MED13: variants seen among roughly 807,000 people sequenced by gnomAD.
The protein encoded by MED13 is mediator of RNA polymerase II transcription subunit 13.
Under a neutral mutation model 225.2 loss-of-function variants are expected in MED13, and 23 were observed. The observed-to-expected ratio is 0.10, with a 90% CI of 0.07 to 0.14. The LOEUF (loss-of-function observed/expected upper bound fraction) is 0.14. Ranked by LOEUF, MED13 falls within the 10% of genes least tolerant of loss-of-function variation. The pLI, the probability that MED13 is intolerant of heterozygous loss-of-function variation, is 1.00. For synonymous variants in MED13, 942 were observed against 889.2 expected, an observed-to-expected ratio of 1.06 and a Z score of -1.06; for missense variants, 2,197 against 2,594.5, an observed-to-expected ratio of 0.85 and a Z score of 3.33.
intron 20 of MED13, among the ~76,000 whole-genome samples, chr17:61,964,751 C>T (rs180749248): frequency 6.6e-6 from 1 of 152,166 alleles, no homozygotes; most frequent in East Asian, 1.9e-4. Flanking sequence ...GCCTGGTCAA[C>T]ATGGCAAAAC....
chr17:61,962,640 T>C (rs2080011829), intron 21 of MED13, 112 bp downstream of exon 21: 4 of 794,602 alleles, frequency 5.0e-6, no homozygotes, highest in South Asian at 1.8e-5. Context: ...ATCAATATAA[T>C]AGAACTTGGC....
rs372832965 is a variant in MED13 at position 61,979,779 on chromosome 17, T to C, written c.3805+2419A>G. On this transcript the variant is annotated intron_variant, in intron 16 of 29. Coordinates refer to ENST00000397786, the MANE Select transcript of MED13 (RefSeq NM_005121.3). ...CTTTTGTGAACCCACTCCAATCAGA[T>C]TGACTGAAACTGCCTATCAAGGTGA... Among the ~76,000 whole-genome samples, 9 of 152,284 alleles carry C rather than the reference T, an allele frequency of 5.9e-5. No homozygotes were observed. The South Asian group carries it at 8.3e-4, about 14-fold the overall frequency.
At chr17:62,034,538 G>A (rs1258064645) in intron 4 of MED13, among the ~76,000 whole-genome samples, 1 of 147,332 alleles carries the variant, frequency 6.8e-6, no homozygotes, top group South Asian at 2.2e-4. Flanking sequence ...ATTTTTAACA[G>A]AAGCTGGGAA....
intron 3 of MED13, among the ~76,000 whole-genome samples, chr17:62,048,725 T>C (rs1186260490): frequency 6.6e-6 from 1 of 152,070 alleles, no homozygotes; most frequent in Non-Finnish European, 1.5e-5. Flanking sequence ...GAAAACTACT[T>C]AAGCAGGTGA....
At chr17:62,043,812 G>A (rs2080875978) in intron 3 of MED13, among the ~76,000 whole-genome samples, 1 of 151,900 alleles carries the variant, frequency 6.6e-6, no homozygotes, top group Admixed American at 6.6e-5. Context: ...ATATTATTTT[G>A]GACTTACTGA....
chr17:62,008,036 A>AAAAAAAAAAAAAAAAAAAT (rs2080469402), intron 9 of MED13, among the ~76,000 whole-genome samples: 1 of 142,330 alleles, frequency 7.0e-6, no homozygotes. Context: ...AAAAAAAAAA[A>AAAAAAAAAAAAAAAAAAAT]GCTGTGCGCA....
In MED13 at chr17:61,982,236, A is replaced by T; in HGVS notation, c.3767T>A (p.Val1256Glu). Residue 1256 changes from valine (V) to glutamate (E), a missense_variant, in exon 16 of 30, where the codon GTG (valine) becomes GAG (glutamate). Around this residue, in one of 12 missense-constraint regions of MED13, gnomAD observed 203 missense variants for 209.7 expected, o/e 0.97. Coordinates refer to ENST00000397786, the MANE Select transcript of MED13 (RefSeq NM_005121.3). ...MSGGKVDEAL[V>E]KSSCLHPWSK... The stretch of plus-strand genomic sequence containing the variant: ...CCAGGGGTGTAAGCATGAACTTTTC[A>T]CAAGTGCTTCATCAACTTTTCCTCC... The T allele has an allele frequency of 6.2e-7, 1 of 1,614,124 alleles. No homozygotes were observed. Among genetic ancestry groups the T allele is most frequent in the Non-Finnish European group, 8.5e-7 (1 of 1,180,002 alleles).
chr17:61,951,047 G>T, intron 27 of MED13, 49 bp from the exon 28 acceptor site: 1 of 1,444,736 alleles, frequency 6.9e-7, no homozygotes, highest in Admixed American at 1.9e-5. Context: ...GTGTAACTAA[G>T]TACCAGATAT....
In MED13 at chr17:62,052,693, C is replaced by G. The variant is rs758596403; in HGVS notation, c.314G>C (p.Gly105Ala). 6.4e-7 allele frequency: 1 copy of G among 1,562,274 alleles called. No homozygotes were observed. The change falls in exon 3 of 30, where the codon GGA (glycine) becomes GCA (alanine). Residue 105 changes from glycine (G) to alanine (A), a missense_variant. This residue lies in a region of MED13 where 884 missense variants were observed against 918.5 expected (regional missense o/e 0.96). Coordinates refer to ENST00000397786, the MANE Select transcript of MED13 (RefSeq NM_005121.3). ...IHHDLSEEED[G>A]VWENGLSYEC... ...ATAGGAAAGTCCATTCTCCCACACT[C>G]CATCTTCTTCTTCTAAAAGAGAAAT... is the stretch of plus-strand genomic sequence containing the variant.
intron 8 of MED13, among the ~76,000 whole-genome samples, chr17:62,019,587 T>C (rs567343931): frequency 1.1e-4 from 17 of 152,302 alleles, no homozygotes; most frequent in African/African-American, 3.6e-4. Context: ...ATACATTCAC[T>C]TACCCAGCTA....
At chr17:62,040,169 C>T (rs1426539302) in intron 3 of MED13, among the ~76,000 whole-genome samples, 1 of 151,890 alleles carries the variant, frequency 6.6e-6, no homozygotes, top group Non-Finnish European at 1.5e-5. Flanking sequence ...GCTTTTTTTC[C>T]AAGGAGAAAT....
chr17:62,039,586 G>GTT (rs1567995431), intron 3 of MED13, among the ~76,000 whole-genome samples: 1 of 129,930 alleles, frequency 7.7e-6, no homozygotes, highest in Non-Finnish European at 1.6e-5. Context: ...ACCCAGCCAA[G>GTT]ATTTTTTTTT....
chr17:62,024,295 G>A (rs748257582), intron 8 of MED13, among the ~76,000 whole-genome samples: 2 of 152,188 alleles, frequency 1.3e-5, no homozygotes, highest in Non-Finnish European at 2.9e-5. Flanking sequence ...TGGGATTACA[G>A]GCATAAGCCA....
intron 3 of MED13, among the ~76,000 whole-genome samples, chr17:62,039,714 C>G (rs1406339890): frequency 6.6e-6 from 1 of 151,810 alleles, no homozygotes; most frequent in African/African-American, 2.4e-5. Flanking sequence ...GCCTCAGCCT[C>G]CCAAGTAGCT....
intron 4 of MED13, 110 bp from the exon 5 acceptor site, chr17:62,034,094 AC>A: frequency 1.2e-6 from 1 of 816,968 alleles, no homozygotes; most frequent in South Asian, 1.8e-5. Flanking sequence ...AGAAAAGGAA[AC>A]CAGTAATAAC....
chr17:61,957,833 C>G (rs117670005), intron 23 of MED13, among the ~76,000 whole-genome samples: 1,849 of 152,278 alleles, frequency 0.012, 25 homozygotes, highest in Non-Finnish European at 0.022. Context: ...AAATATGCAA[C>G]ATAAGCACTC....
chr17:61,956,068 C>A (rs1174828230), intron 24 of MED13, among the ~76,000 whole-genome samples: 1 of 152,012 alleles, frequency 6.6e-6, no homozygotes, highest in African/African-American at 2.4e-5. Flanking sequence ...CAATTGGTAT[C>A]TGCTCAACAG....
At chr17:61,974,999 G>T (rs576557261) in intron 16 of MED13, among the ~76,000 whole-genome samples, 16 of 152,116 alleles carry the variant, frequency 1.1e-4, no homozygotes, top group African/African-American at 3.9e-4. Context: ...ATGGAGATAT[G>T]AAAAACAGGA....
Position 62,010,630 on chromosome 17 carries a change from T to G in MED13, c.1887A>C (p.Leu629Phe). 1.3e-6 allele frequency: 2 copies of G among 1,495,912 alleles called. No homozygotes were observed. The highest frequency in any genetic ancestry group is 1.8e-6 in the Non-Finnish European group (2 of 1,122,246). The allele number at this position is 1,495,912 out of a possible 1,614,324, so 92.7% of individuals were successfully genotyped here. The change falls in exon 9 of 30, where the codon TTA becomes TTC. Residue 629 changes from leucine (L) to phenylalanine (F), a missense_variant. This residue lies in a region of MED13 where 884 missense variants were observed against 918.5 expected (regional missense o/e 0.96). Coordinates refer to ENST00000397786, the MANE Select transcript of MED13 (RefSeq NM_005121.3). ...KFPKKKDVEFLPPQLPSDKFK... is the reference protein window; with the variant it reads ...KFPKKKDVEFFPPQLPSDKFK... ...ATTTATCACTTGGAAGTTGAGGTGG[T>G]AAAAACTCTACATCTTTTTTCTTTG...
Sources: gnomAD v4.1 joint callset for allele counts (sites outside exome capture counted in the v4.1 genomes callset) on GRCh38, gnomAD v4.1.1 for gene constraint, gnomAD v4.1.1 regional missense constraint, MANE v1.5 for transcripts, NCBI Gene and HGNC (gene_info 2026-07-23, HGNC 2026-07-21) for gene names.